Variants in SIDT1 observed in about 807,000 individuals in gnomAD.
SIDT1 encodes SID1 transmembrane family, member 1.
A neutral mutation model predicts 107.5 loss-of-function variants in SIDT1; 101 were observed. That is an observed-to-expected ratio of 0.94 (90% CI 0.80 to 1.11). The LOEUF (loss-of-function observed/expected upper bound fraction) is 1.11. SIDT1 is among the 50% of genes least tolerant of loss of function. The pLI, the probability that SIDT1 is intolerant of heterozygous loss-of-function variation, is 0.00. For missense variants in SIDT1, 1,076 were observed against 1,058.2 expected (o/e 1.02, Z -0.23); for synonymous variants, 395 against 398.2 (o/e 0.99, Z 0.10).
chr3:113,588,503 T>TA, intron 9 of SIDT1, among the ~76,000 whole-genome samples: 1 of 152,202 alleles, frequency 6.6e-6, no homozygotes. Context: ...GAGATCAGGA[T>TA]AAAAAACATT....
chr3:113,617,962 T>G (rs1946218957), intron 20 of SIDT1, among the ~76,000 whole-genome samples: 1 of 152,216 alleles, frequency 6.6e-6, no homozygotes, highest in South Asian at 2.1e-4. Flanking sequence ...TTACGTTACA[T>G]TAATGCTCAT....
At position 113,586,545 on chromosome 3, in the gene SIDT1, T is replaced by G. The variant is rs956440138; in HGVS notation, c.1001+1275T>G. ...ACTAGATTTGCTTAAGAATCATCGA[T>G]GAATGCCAAATCTAGGGTGCAGAAA... On this transcript the variant is annotated intron_variant, in intron 9 of 24. Transcript: ENST00000264852. 3.3e-5 allele frequency among the ~76,000 whole-genome samples: 5 copies of G among 152,328 alleles called. No individual in the cohort carries two copies. The South Asian group carries it at 8.3e-4, about 25-fold the overall frequency.
chr3:113,569,871 C>T lies in SIDT1; in HGVS notation c.515+2161C>T, dbSNP rs187857858. Among the ~76,000 whole-genome samples the T allele has an allele frequency of 2.5e-3, 377 of 152,202 alleles. 4 individuals are homozygous for T. The highest frequency in any genetic ancestry group is 0.021 in the Admixed American group (318 of 15,280). The stretch of plus-strand genomic sequence containing the variant: ...ATGCAGCCAGTGTTGCGAACCACTA[C>T]CCTAAAATGATTTCTAAATATGGTG... On this transcript the variant is annotated intron_variant, in intron 3 of 24. Transcript: ENST00000264852.
At chr3:113,611,859 A>G (rs546697261) in intron 18 of SIDT1, among the ~76,000 whole-genome samples, 1 of 150,370 alleles carries the variant, frequency 6.7e-6, no homozygotes, top group Non-Finnish European at 1.5e-5. Flanking sequence ...CACCATTGCT[A>G]TTTGGCTGCC....
At chr3:113,585,585 A>AT (rs1943685674) in intron 9 of SIDT1, among the ~76,000 whole-genome samples, 1 of 152,200 alleles carries the variant, frequency 6.6e-6, no homozygotes, top group Admixed American at 6.5e-5. Context: ...CAACATGTAT[A>AT]TTTTTTAAAC....
At chr3:113,557,534 G>C (rs34627996) in intron 1 of SIDT1, among the ~76,000 whole-genome samples, 29,551 of 151,982 alleles carry the variant, frequency 0.19, 3,028 homozygotes, top group Non-Finnish European at 0.22. Flanking sequence ...CACAGAGGGG[G>C]CACCATGTAA....
intron 6 of SIDT1, among the ~76,000 whole-genome samples, chr3:113,582,429 C>T (rs940513940): frequency 3.3e-5 from 5 of 152,150 alleles, no homozygotes; most frequent in African/African-American, 1.2e-4. Context: ...TTTTCAAAGG[C>T]TTCAGATTTG....
At chr3:113,621,157 A>C (rs936043206) in intron 21 of SIDT1, among the ~76,000 whole-genome samples, 1 of 152,256 alleles carries the variant, frequency 6.6e-6, no homozygotes, top group Non-Finnish European at 1.5e-5. Context: ...ATACATATGC[A>C]TATAGAGAGA....
At chr3:113,564,750 T>C (rs1356751781) in intron 1 of SIDT1, among the ~76,000 whole-genome samples, 1 of 152,144 alleles carries the variant, frequency 6.6e-6, no homozygotes, top group Non-Finnish European at 1.5e-5. Context: ...TCAGACGCTT[T>C]GAGTGTGAGG....
chr3:113,564,117 T>A (rs564547140), intron 1 of SIDT1, among the ~76,000 whole-genome samples: 4 of 152,208 alleles, frequency 2.6e-5, no homozygotes, highest in Admixed American at 6.5e-5. Context: ...CCCAGCTAAT[T>A]TTGTACTTTT....
downstream of SIDT1, among the ~76,000 whole-genome samples, chr3:113,630,345 G>A (rs377459579): frequency 2.6e-5 from 4 of 152,226 alleles, no homozygotes; most frequent in East Asian, 1.9e-4. Flanking sequence ...TATGCTCCAC[G>A]GTTTACTGAG....
intron 9 of SIDT1, among the ~76,000 whole-genome samples, chr3:113,591,524 A>G (rs1944150563): frequency 6.6e-6 from 1 of 152,290 alleles, no homozygotes; most frequent in South Asian, 2.1e-4. Flanking sequence ...GCACTTTCTG[A>G]TATCAATCTT....
chr3:113,533,819 C>T (rs930940232), intron 1 of SIDT1, among the ~76,000 whole-genome samples: 1 of 152,138 alleles, frequency 6.6e-6, no homozygotes, highest in Admixed American at 6.5e-5. Context: ...CGCCAGAAGA[C>T]CTGGGCAAAG....
chr3:113,565,009 G>A (rs12629807), intron 1 of SIDT1, among the ~76,000 whole-genome samples: 3 of 152,164 alleles, frequency 2.0e-5, no homozygotes, highest in African/African-American at 7.2e-5. Context: ...ATGCTATTCT[G>A]TTTCCTCCTA....
chr3:113,591,470 C>G (rs1027856927), intron 9 of SIDT1, among the ~76,000 whole-genome samples: 1 of 151,496 alleles, frequency 6.6e-6, no homozygotes, highest in African/African-American at 2.4e-5. Flanking sequence ...AAGGGAGAAG[C>G]CAAAACAATC....
downstream of SIDT1, among the ~76,000 whole-genome samples, chr3:113,631,382 C>G (rs944721852): frequency 2.0e-5 from 3 of 152,182 alleles, no homozygotes; most frequent in Non-Finnish European, 1.5e-5. Context: ...TGAAATGAAC[C>G]ACTATGAATC....
At chr3:113,551,008 T>A (rs1364598415) in intron 1 of SIDT1, among the ~76,000 whole-genome samples, 1 of 152,172 alleles carries the variant, frequency 6.6e-6, no homozygotes, top group African/African-American at 2.4e-5. Context: ...AGTGAGAACA[T>A]GCGGTATTTG....
chr3:113,572,625 T>C (rs1301814378), intron 3 of SIDT1, among the ~76,000 whole-genome samples: 7 of 152,130 alleles, frequency 4.6e-5, no homozygotes, highest in African/African-American at 7.2e-5. Flanking sequence ...GTTATCTGAA[T>C]GGAGAAGAAA....
chr3:113,567,511 A>C (rs1177070453), intron 2 of SIDT1, 29 bp from the exon 3 acceptor site: 1 of 1,565,658 alleles, frequency 6.4e-7, no homozygotes, highest in Admixed American at 1.8e-5. Flanking sequence ...GTCCTTGTTT[A>C]TTTTTTTCCC....
Sources: allele counts gnomAD v4.1 joint callset (sites outside exome capture counted in the v4.1 genomes callset), GRCh38; gene constraint gnomAD v4.1.1; transcripts MANE v1.5; gene names NCBI Gene and HGNC (gene_info 2026-07-23, HGNC 2026-07-21).